The following TSC2 variants were observed in gnomAD, a reference collection of about 807,000 sequenced individuals.
TSC2 encodes TSC complex subunit 2, also known as tuberin.
TSC2 carries 29 observed loss-of-function variants against 202.2 expected under a neutral mutation model. The ratio of observed to expected loss-of-function variants is 0.14; its 90% confidence interval spans 0.11 to 0.20. TSC2 has a LOEUF of 0.20. TSC2 is among the 10% of genes least tolerant of loss of function. The pLI is 1.00. For missense variants in TSC2, 2,429 were observed against 2,420.0 expected, an observed-to-expected ratio of 1.00 and a Z score of -0.08; for synonymous variants, 1,349 against 1,044.0, an observed-to-expected ratio of 1.29 and a Z score of -5.63.
In TSC2 at chr16:2,083,810, C is replaced by T. The variant is rs775604492; in HGVS notation, c.3999C>T (p.Tyr1333=). 10 of 1,610,902 alleles carry T rather than the reference C, an allele frequency of 6.2e-6. No individual in the cohort carries two copies. Among genetic ancestry groups the T allele is most frequent in the Admixed American group, 1.7e-5 (1 of 59,798 alleles). Residue 1333 remains tyrosine (Y), a synonymous_variant, in exon 33 of 42, where the codon TAC becomes TAT. Coordinates refer to ENST00000219476, the MANE Select transcript of TSC2 (RefSeq NM_000548.5). Reference sequence around the variant, plus strand: ...GCATGGACAGGCGCACGGATGCCTACAGCAGGGTGAGTGTGGCTCAGAGCC... The same window carrying T: ...GCATGGACAGGCGCACGGATGCCTATAGCAGGGTGAGTGTGGCTCAGAGCC... ...ALGMDRRTDA[Y]SRSSSVSSQE...
chr16:2,071,817 C>G lies in TSC2; in HGVS notation c.1980C>G (p.Ser660Arg), dbSNP rs959705365. 6.2e-7 allele frequency: 1 copy of G among 1,601,434 alleles called. No homozygotes were observed. The highest frequency in any genetic ancestry group is 1.7e-5 in the Admixed American group (1 of 58,838). Residue 660 changes from serine to arginine, a missense_variant, in exon 19 of 42, where the codon AGC (serine) becomes AGG (arginine). Coordinates refer to ENST00000219476, the MANE Select transcript of TSC2 (RefSeq NM_000548.5). ...EPERGSEKKT[S>R]GPLSPPTGPP... is the part of the protein sequence containing the mutation. Reference sequence around the variant, plus strand: ...AGAGAGGCTCTGAGAAGAAGACCAGCGGCCCCCTTTCTCCTCCCACAGGGC... The same window carrying G: ...AGAGAGGCTCTGAGAAGAAGACCAGGGGCCCCCTTTCTCCTCCCACAGGGC...
intron 13 of TSC2, 45 bp from the exon 14 acceptor site, chr16:2,062,927 T>C: frequency 6.5e-7 from 1 of 1,538,966 alleles, no homozygotes. Context: ...TGTGGGGCTG[T>C]GGCCGGGCAC....
intron 20 of TSC2, 83 bp from the exon 21 acceptor site, chr16:2,072,766 G>C: frequency 6.2e-7 from 1 of 1,606,888 alleles, no homozygotes; most frequent in Non-Finnish European, 8.5e-7. Flanking sequence ...CTGGGCCTGC[G>C]TTCCCAGGGC....
chr16:2,061,038 A>G lies in TSC2; in HGVS notation c.1119+225A>G, dbSNP rs1469888030. 2.3e-5 allele frequency: 14 copies of G among 604,746 alleles called. No homozygotes were observed. The East Asian group carries it at 4.3e-4, about 19-fold the overall frequency. The allele number at this position is 604,746 out of a possible 1,614,324, so 37.5% of individuals were successfully genotyped here. On this transcript the variant is annotated intron_variant, in intron 11 of 41. Transcript: ENST00000219476. ...TAGGCCCCAGACAGGAATATGCAGTAGGTGAGCCGGGGCTGGGCCAGTGCT... is the reference window on the plus strand; with the variant it reads ...TAGGCCCCAGACAGGAATATGCAGTGGGTGAGCCGGGGCTGGGCCAGTGCT...
intron 4 of TSC2, chr16:2,053,862 T>G: frequency 2.1e-6 from 1 of 481,434 alleles, no homozygotes; most frequent in Non-Finnish European, 4.1e-6. Context: ...CCTCTTGGTG[T>G]TCCTGCCTCC....
chr16:2,050,523 G>A (rs2150998264), intron 3 of TSC2, 37 bp downstream of exon 3: 6 of 1,581,230 alleles, frequency 3.8e-6, no homozygotes, highest in Non-Finnish European at 3.5e-6. Flanking sequence ...AGAGAGGCAC[G>A]TAGACTATTC....
At chr16:2,080,137 G>C (rs749412596) in intron 29 of TSC2, 28 bp from the exon 30 acceptor site, 5 of 1,612,400 alleles carry the variant, frequency 3.1e-6, no homozygotes, top group Middle Eastern at 1.7e-4. Context: ...GTAAGTGGTG[G>C]TCACCAGTCC....
chr16:2,083,523 C>T, intron 32 of TSC2, 172 bp from the exon 33 acceptor site: 1 of 1,185,364 alleles, frequency 8.4e-7, no homozygotes, highest in East Asian at 2.6e-5. Flanking sequence ...ACGTGCAGGC[C>T]TTCCCAGCGT....
chr16:2,053,553 G>A, intron 4 of TSC2, 101 bp downstream of exon 4: 1 of 1,210,514 alleles, frequency 8.3e-7, no homozygotes, highest in East Asian at 2.5e-5. Flanking sequence ...GTGAGTTGCT[G>A]GGCACAGGGT....
rs1596455392 is a variant in TSC2 at position 2,087,920 on chromosome 16, G to C, written c.5047G>C (p.Val1683Leu). The C allele has an allele frequency of 2.5e-6, 4 of 1,612,896 alleles. No homozygotes were observed. The East Asian group carries it at 8.9e-5, about 36-fold the overall frequency. The change falls in exon 39 of 42, where the codon GTG becomes CTG. Residue 1683 changes from valine (V) to leucine (L), a missense_variant. Physicochemically the swap from Val to Leu is conservative, Grantham distance 32 (BLOSUM62 1). Transcript: ENST00000219476. Reference protein sequence around the residue: ...VTPLDYECNLVSLQCRKDMEG... With the variant: ...VTPLDYECNLLSLQCRKDMEG... Reference sequence around the variant, plus strand: ...CCCGCTGGACTACGAGTGCAACCTGGTGTCCCTGCAGTGCAGGAAAGGTAG... The same window carrying C: ...CCCGCTGGACTACGAGTGCAACCTGCTGTCCCTGCAGTGCAGGAAAGGTAG...
Position 2,084,233 on chromosome 16 carries a change from C to G in TSC2, c.4011C>G (p.Ser1337=). 1 of 1,590,644 alleles carries G rather than the reference C, an allele frequency of 6.3e-7. No individual in the cohort carries two copies. Among genetic ancestry groups the G allele is most frequent in the East Asian group, 2.3e-5 (1 of 43,606 alleles). The change falls in exon 34 of 42, where the codon TCC becomes TCG. Residue 1337 remains serine, a synonymous_variant. Transcript: ENST00000219476. The stretch of plus-strand genomic sequence containing the variant: ...TTTGGGATGGTCCTTTCTAGTCGTC[C>G]TCAGTCTCCAGCCAGGAGGAGAAGT... The part of the protein sequence containing the change: ...DRRTDAYSRS[S]SVSSQEEKSL...
rs11864849 is a variant in TSC2 at position 2,072,645 on chromosome 16, G to A, written c.2221-204G>A. On this transcript the variant is annotated intron_variant, in intron 20 of 41. Coordinates refer to ENST00000219476, the MANE Select transcript of TSC2 (RefSeq NM_000548.5). ...TTTTCCTAAGTGGGGCTCCCGTGCC[G>A]TTCACCTCACATTCCTGGTGTGTTA... is the stretch of plus-strand genomic sequence containing the variant. 610 of 870,818 alleles carry A rather than the reference G, an allele frequency of 7.0e-4. 5 individuals carry two copies. In the African/African-American group the frequency reaches 8.6e-3, roughly 12 times the overall value. The allele number at this position is 870,818 out of a possible 1,614,324, so 53.9% of individuals were successfully genotyped here.
intron 25 of TSC2, among the ~76,000 whole-genome samples, chr16:2,077,094 C>T (rs2089495363): frequency 1.3e-5 from 2 of 152,270 alleles, no homozygotes; most frequent in South Asian, 2.1e-4. Flanking sequence ...GACCTCAACT[C>T]GGAAGCTGTT....
chr16:2,088,881 G>GCACACACACACACACACACA lies in TSC2; in HGVS notation c.*289_*290insCACACACACACACACACACA. 2.4e-6 allele frequency: 1 copy of GCACACACACACACACACACA among 420,700 alleles called. No individual in the cohort carries two copies. The highest frequency in any genetic ancestry group is 2.3e-5 in the African/African-American group (1 of 44,244). 26.1% of individuals were successfully genotyped at this position (420,700 alleles called of 1,614,324 possible). On this transcript the variant is annotated 3_prime_UTR_variant, in exon 42 of 42. Transcript: ENST00000219476. Reference sequence around the variant, plus strand: ...ACAGCACACTCGCGCGTGCGCGCGCGCACACACACACACACACAGTCACCT... The same window carrying GCACACACACACACACACACA: ...ACAGCACACTCGCGCGTGCGCGCGCGCACACACACACACACACACACACACACACACACACACAGTCACCT...
chr16:2,082,563 T>A, intron 32 of TSC2, 59 bp downstream of exon 32: 1 of 1,587,876 alleles, frequency 6.3e-7, no homozygotes, highest in Non-Finnish European at 8.6e-7. Flanking sequence ...TCATAGGTGC[T>A]GTGCTCGTCG....
intron 3 of TSC2, 123 bp from the exon 4 acceptor site, chr16:2,053,218 TG>T: frequency 2.2e-6 from 2 of 925,042 alleles, no homozygotes; most frequent in Non-Finnish European, 3.4e-6. Context: ...GCTTTGGAGG[TG>T]GGGCTCTCAG....
rs1177344207 is a variant in TSC2 at position 2,084,331 on chromosome 16, C to A, written c.4109C>A (p.Pro1370His). Reference protein sequence around the residue: ...ERVVSSEGGRPSVDLSFQPSQ... With the variant: ...ERVVSSEGGRHSVDLSFQPSQ... ...GTCGTCTCCTCGGAGGGTGGCCGGCCCTCTGTGGACCTCTCCTTCCAGCCC... is the reference window on the plus strand; with the variant it reads ...GTCGTCTCCTCGGAGGGTGGCCGGCACTCTGTGGACCTCTCCTTCCAGCCC... Residue 1370 changes from proline (P) to histidine (H), a missense_variant, in exon 34 of 42, where the codon CCC becomes CAC. Coordinates refer to ENST00000219476, the MANE Select transcript of TSC2 (RefSeq NM_000548.5). The A allele has an allele frequency of 6.2e-7, 1 of 1,612,652 alleles. No individual in the cohort carries two copies. The highest frequency in any genetic ancestry group is 8.5e-7 in the Non-Finnish European group (1 of 1,179,990).
rs1567403610 is a variant in TSC2, at chr16:2,055,459, T to A, written c.539T>A (p.Leu180Gln). ...TTGTCCTCGGAATTCCTTCTGGTGC[T>A]GGTGAACTTGGTCAAATTCAATAGC... The part of the protein sequence containing the change: ...VGLSSEFLLV[L>Q]VNLVKFNSCY... The change falls in exon 6 of 42, where the codon CTG becomes CAG. Residue 180 changes from leucine (L) to glutamine (Q), a missense_variant. By Grantham distance (113) the Leu-to-Gln change is moderately radical. Coordinates refer to ENST00000219476, the MANE Select transcript of TSC2 (RefSeq NM_000548.5). 1 of 1,614,244 alleles carries A rather than the reference T, an allele frequency of 6.2e-7. No individual in the cohort carries two copies. The highest frequency in any genetic ancestry group is 8.5e-7 in the Non-Finnish European group (1 of 1,180,044).
intron 1 of TSC2, chr16:2,048,379 T>C: frequency 1.2e-6 from 1 of 842,144 alleles, no homozygotes; most frequent in Non-Finnish European, 2.0e-6. Context: ...AGTAGAGAGC[T>C]CTCTAGACCA....
Sources: allele counts gnomAD v4.1 joint callset (sites outside exome capture counted in the v4.1 genomes callset), GRCh38; gene constraint gnomAD v4.1.1; transcripts MANE v1.5; gene names NCBI Gene and HGNC (gene_info 2026-07-23, HGNC 2026-07-21).